The following NALF1 variants were observed in gnomAD, a reference collection of about 807,000 sequenced individuals.
NALF1 encodes the protein NALCN channel auxiliary factor 1.
Under a neutral mutation model 48.4 loss-of-function variants are expected in NALF1, and 3 were observed. The observed-to-expected ratio is 0.06, with a 90% confidence interval of 0.03 to 0.16. The LOEUF is 0.16. NALF1 is among the 10% of genes least tolerant of loss of function. The probability of loss-of-function intolerance (pLI) is 1.00; values close to 1 mark genes in which losing one functional copy is unlikely to be tolerated. For synonymous variants in NALF1, 262 were observed against 245.7 expected, an observed-to-expected ratio of 1.07 and a Z score of -0.62; for missense variants, 526 against 571.5, an observed-to-expected ratio of 0.92 and a Z score of 0.81.
At chr13:107,579,241 G>A in intron 1 of NALF1, among the ~76,000 whole-genome samples, 1 of 152,112 alleles carries the variant, frequency 6.6e-6, no homozygotes, top group East Asian at 1.9e-4. Context: ...ACAGGCACAC[G>A]CCACCACGCC....
chr13:107,844,197 G>T (rs1270572236), intron 1 of NALF1, among the ~76,000 whole-genome samples: 1 of 151,670 alleles, frequency 6.6e-6, no homozygotes, highest in Non-Finnish European at 1.5e-5. Context: ...AATAAAGACA[G>T]TCTGTTGAGT....
intron 1 of NALF1, among the ~76,000 whole-genome samples, chr13:107,586,087 T>C (rs1226379675): frequency 6.6e-6 from 1 of 152,036 alleles, no homozygotes; most frequent in Non-Finnish European, 1.5e-5. Flanking sequence ...ATATTGAATA[T>C]AGAAGGCTAT....
intron 1 of NALF1, among the ~76,000 whole-genome samples, chr13:107,494,127 C>T (rs1278900199): frequency 7.1e-6 from 1 of 140,304 alleles, no homozygotes; most frequent in Non-Finnish European, 1.5e-5. Context: ...CTGATAAAAA[C>T]AGAAGATTGT....
chr13:107,477,859 C>T (rs980980339), intron 1 of NALF1, among the ~76,000 whole-genome samples: 1 of 152,022 alleles, frequency 6.6e-6, no homozygotes, highest in African/African-American at 2.4e-5. Context: ...ACCTACAAGC[C>T]ATTCCTTCGA....
intron 1 of NALF1, among the ~76,000 whole-genome samples, chr13:107,519,364 GA>G (rs56245128): frequency 0.032 from 4,804 of 148,808 alleles, 254 homozygotes; most frequent in African/African-American, 0.11. Flanking sequence ...CCGGGAGGAG[GA>G]AAAAAAAAAA....
chr13:107,857,773 T>G (rs763788923), intron 1 of NALF1, among the ~76,000 whole-genome samples: 15 of 152,222 alleles, frequency 9.9e-5, no homozygotes, highest in Non-Finnish European at 1.9e-4. Context: ...ATGCAAAGTC[T>G]GTTTATAAAA....
At chr13:107,527,200 G>A (rs894329975) in intron 1 of NALF1, among the ~76,000 whole-genome samples, 10 of 152,094 alleles carry the variant, frequency 6.6e-5, no homozygotes, top group African/African-American at 1.2e-4. Context: ...CTGCTGACCC[G>A]CTGTCATTAG....
At position 107,193,142 on chromosome 13, in the gene NALF1, AG is replaced by A. The variant is rs576533826; in HGVS notation, c.1087+17441del. On this transcript the variant is annotated intron_variant, in intron 2 of 2. Transcript: ENST00000375915. The stretch of plus-strand genomic sequence containing the variant: ...ACATTTTCCTCTTGGTGGTAGCTGA[AG>A]GTTTTCCTTATCTTCTTTTGGCTTA... Among the ~76,000 whole-genome samples the A allele has an allele frequency of 5.7e-4, 86 of 152,206 alleles. No individual in the cohort carries two copies. The South Asian group carries it at 9.6e-3, about 17-fold the overall frequency.
chr13:107,859,125 C>G (rs949051421), intron 1 of NALF1, among the ~76,000 whole-genome samples: 2 of 151,958 alleles, frequency 1.3e-5, no homozygotes, highest in African/African-American at 2.4e-5. Context: ...CAGGAGAGGA[C>G]CCAGCGATGG....
chr13:107,206,315 C>T (rs903049133), intron 2 of NALF1, among the ~76,000 whole-genome samples: 12 of 152,084 alleles, frequency 7.9e-5, no homozygotes, highest in East Asian at 1.9e-4. Context: ...CATCAAGATC[C>T]GTGGTTAGAA....
At chr13:107,732,120 C>T (rs1255670975) in intron 1 of NALF1, among the ~76,000 whole-genome samples, 2 of 152,126 alleles carry the variant, frequency 1.3e-5, no homozygotes, top group Admixed American at 6.6e-5. Flanking sequence ...CCCTGGGCAG[C>T]AGCTTTGCTT....
chr13:107,554,908 G>A (rs922429635), intron 1 of NALF1, among the ~76,000 whole-genome samples: 5 of 152,210 alleles, frequency 3.3e-5, no homozygotes, highest in African/African-American at 9.6e-5. Context: ...GGAGTGTAGA[G>A]AATGTCTAAG....
At chr13:107,254,553 A>G (rs894865641) in intron 1 of NALF1, among the ~76,000 whole-genome samples, 3 of 152,176 alleles carry the variant, frequency 2.0e-5, no homozygotes, top group Non-Finnish European at 4.4e-5. Context: ...CCCCTACCAC[A>G]GCTGTCCAGG....
chr13:107,203,025 T>G (rs577920519), intron 2 of NALF1, among the ~76,000 whole-genome samples: 6 of 152,366 alleles, frequency 3.9e-5, no homozygotes, highest in Middle Eastern at 3.4e-3. Flanking sequence ...TTGCACAGGA[T>G]AATTTCATTG....
chr13:107,828,541 G>A (rs190200614), intron 1 of NALF1, among the ~76,000 whole-genome samples: 206 of 141,518 alleles, frequency 1.5e-3, no homozygotes, highest in Non-Finnish European at 2.4e-3. Context: ...AGGAAATTCA[G>A]AATAGGTAGA....
At chr13:107,541,353 C>A (rs1876993551) in intron 1 of NALF1, among the ~76,000 whole-genome samples, 1 of 152,092 alleles carries the variant, frequency 6.6e-6, no homozygotes, top group African/African-American at 2.4e-5. Flanking sequence ...TCTCTGTCTG[C>A]AGAAGTACCC....
chr13:107,503,540 G>A (rs1050864753), intron 1 of NALF1, among the ~76,000 whole-genome samples: 10 of 152,088 alleles, frequency 6.6e-5, no homozygotes, highest in African/African-American at 2.2e-4. Context: ...AAAGAATATG[G>A]AGGTTCCTAA....
At chr13:107,539,922 T>C (rs1876951658) in intron 1 of NALF1, among the ~76,000 whole-genome samples, 1 of 152,156 alleles carries the variant, frequency 6.6e-6, no homozygotes, top group Non-Finnish European at 1.5e-5. Flanking sequence ...TACAGTCTTA[T>C]TTCTAATGTT....
At chr13:107,660,830 C>T (rs1396427391) in intron 1 of NALF1, among the ~76,000 whole-genome samples, 1 of 151,858 alleles carries the variant, frequency 6.6e-6, no homozygotes, top group Non-Finnish European at 1.5e-5. Context: ...ATGGACCACT[C>T]TGATGAGGGA....
Sources: allele counts gnomAD v4.1 joint callset (sites outside exome capture counted in the v4.1 genomes callset), GRCh38; gene constraint gnomAD v4.1.1; transcripts MANE v1.5; gene names NCBI Gene and HGNC (gene_info 2026-07-23, HGNC 2026-07-21).